Variants in TCF4 observed in about 807,000 individuals in gnomAD.
TCF4 encodes the protein SL3-3 enhancer factor 2.
In TCF4, 3 loss-of-function variants were observed where a neutral mutation model predicts 82.1. The ratio of observed to expected loss-of-function variants is 0.04; its 90% CI spans 0.02 to 0.09. The LOEUF (loss-of-function observed/expected upper bound fraction) is 0.09. TCF4 is among the 10% of genes least tolerant of loss of function. The pLI is 1.00. For missense variants in TCF4, 518 were observed against 852.7 expected (o/e 0.61, Z 4.89); for synonymous variants, 276 against 309.6 (o/e 0.89, Z 1.14).
intron 3 of TCF4, among the ~76,000 whole-genome samples, chr18:55,516,375 G>GT: frequency 6.6e-6 from 1 of 151,964 alleles, no homozygotes; most frequent in South Asian, 2.1e-4. Flanking sequence ...ATACTGTCTG[G>GT]TTTTTTGGGT....
intron 2 of TCF4, among the ~76,000 whole-genome samples, chr18:55,630,405 A>C (rs2097730444): frequency 6.6e-6 from 1 of 152,204 alleles, no homozygotes. Flanking sequence ...TGGGAATTCA[A>C]AAATAACATA....
intron 6 of TCF4, chr18:55,401,548 T>C: frequency 1.0e-6 from 1 of 988,546 alleles, no homozygotes; most frequent in Non-Finnish European, 1.2e-6. Flanking sequence ...CATCCACCTC[T>C]CTTCCACCCT....
In TCF4 at chr18:55,342,646, A is replaced by AT. The variant is rs532383897; in HGVS notation, c.549+7712dup. On this transcript the variant is annotated intron_variant, in intron 8 of 19. Transcript: ENST00000354452. ...CTAAACACTGCTGCCTCCTTAGACA[A>AT]TTTTTTTCTTATCCTTTAACGTCTT... 1.4e-3 allele frequency among the ~76,000 whole-genome samples: 219 copies of AT among 152,162 alleles called. 1 individual carries two copies. The highest frequency in any genetic ancestry group is 4.1e-3 in the African/African-American group (169 of 41,526).
chr18:55,291,769 T>A (rs1022110851), intron 8 of TCF4, among the ~76,000 whole-genome samples: 1 of 152,232 alleles, frequency 6.6e-6, no homozygotes, highest in Admixed American at 6.5e-5. Context: ...TTCACTAATT[T>A]AACTCAGAGC....
intron 10 of TCF4, among the ~76,000 whole-genome samples, chr18:55,270,423 C>A (rs1044533105): frequency 1.3e-5 from 2 of 152,082 alleles, no homozygotes; most frequent in Non-Finnish European, 2.9e-5. Context: ...AAAGACTAAC[C>A]AGTCTCAAAT....
chr18:55,599,708 G>A (rs1226027962), intron 2 of TCF4, among the ~76,000 whole-genome samples: 1 of 152,204 alleles, frequency 6.6e-6, no homozygotes, highest in Non-Finnish European at 1.5e-5. Flanking sequence ...GTGACAGAGT[G>A]AGAGTCTTAT....
In TCF4 at chr18:55,362,339, G is replaced by GAGGAAGGACGGAAGGA. The variant is rs1555942407; in HGVS notation, c.370-11337_370-11336insTCCTTCCGTCCTTCCT. Among the ~76,000 whole-genome samples the GAGGAAGGACGGAAGGA allele has an allele frequency of 3.9e-4, 27 of 68,582 alleles. No homozygotes were observed. In the East Asian group the frequency reaches 0.013, roughly 33 times the overall value. The allele number at this position is 68,582 out of a possible 152,430, so 45.0% of individuals were successfully genotyped here. ...TCCAAAAACAAAAACAAAAAAAAAAGAGGAAGGAAGGAAGGAAGGAAGGAA... is the reference window on the plus strand; with the variant it reads ...TCCAAAAACAAAAACAAAAAAAAAAGAGGAAGGACGGAAGGAAGGAAGGAAGGAAGGAAGGAAGGAA... On this transcript the variant is annotated intron_variant, in intron 6 of 19. Transcript: ENST00000354452.
At chr18:55,579,350 C>T (rs535083367) in intron 3 of TCF4, among the ~76,000 whole-genome samples, 1 of 151,516 alleles carries the variant, frequency 6.6e-6, no homozygotes, top group African/African-American at 2.4e-5. Context: ...ACAAAAATAA[C>T]CTTTTAAAAA....
Position 55,323,041 on chromosome 18 carries a change from A to G in TCF4, c.549+27318T>C, listed in dbSNP as rs946351208. Reference sequence around the variant, plus strand: ...CACAACTGAACAATAGAATCCTTATAGATGGCAAGGTTTCTCACAAGCAAG... The same window carrying G: ...CACAACTGAACAATAGAATCCTTATGGATGGCAAGGTTTCTCACAAGCAAG... On this transcript the variant is annotated intron_variant, in intron 8 of 19. Coordinates refer to ENST00000354452, the MANE Select transcript of TCF4 (RefSeq NM_001083962.2). Among the ~76,000 whole-genome samples, 71 of 152,354 alleles carry G rather than the reference A, an allele frequency of 4.7e-4. 1 individual carries two copies. Among genetic ancestry groups the G allele is most frequent in the Middle Eastern group, 3.4e-3 (1 of 294 alleles).
intron 3 of TCF4, among the ~76,000 whole-genome samples, chr18:55,507,945 A>T (rs1388690906): frequency 6.6e-6 from 1 of 152,136 alleles, no homozygotes; most frequent in Non-Finnish European, 1.5e-5. Flanking sequence ...TGTAACCGGG[A>T]AATGACTACA....
chr18:55,443,119 C>T (rs1256620376), intron 5 of TCF4, among the ~76,000 whole-genome samples: 2 of 152,156 alleles, frequency 1.3e-5, no homozygotes, highest in Non-Finnish European at 2.9e-5. Context: ...AACCTTGGTT[C>T]GGGTCAACCT....
rs570109041 is a variant in TCF4, at chr18:55,223,293, T to C, written c.*4742A>G. On this transcript the variant is annotated 3_prime_UTR_variant, in exon 20 of 20. Transcript: ENST00000354452. The stretch of plus-strand genomic sequence containing the variant: ...TTCCTTGATCAATCATGTGCTTTGC[T>C]TTTCAATTTGTTTTTGTGATTTTTT... 116 of 152,500 alleles carry C rather than the reference T, an allele frequency of 7.6e-4. No individual in the cohort carries two copies. Among genetic ancestry groups the C allele is most frequent in the African/African-American group, 2.7e-3 (114 of 41,582 alleles). 9.4% of individuals were successfully genotyped at this position (152,500 alleles called of 1,614,324 possible).
intron 6 of TCF4, chr18:55,401,895 C>T (rs1430945937): frequency 1.2e-6 from 1 of 851,674 alleles, no homozygotes; most frequent in African/African-American, 1.8e-5. Flanking sequence ...AGGATGTTGT[C>T]AACTTTCTTC....
In TCF4 at chr18:55,223,925, CATA is replaced by C. The variant is rs1599259249; in HGVS notation, c.*4107_*4109del. 1.3e-5 allele frequency: 2 copies of C among 152,258 alleles called. No individual in the cohort carries two copies. Among genetic ancestry groups the C allele is most frequent in the East Asian group, 1.9e-4 (1 of 5,180 alleles). 9.4% of individuals were successfully genotyped at this position (152,258 alleles called of 1,614,324 possible). ...TAAAATAAAGTAACAAACTTTTACT[CATA>C]ATGATTCCAAAAATCTACAAAGAAG... On this transcript the variant is annotated 3_prime_UTR_variant, in exon 20 of 20. Transcript: ENST00000354452.
At position 55,402,235 on chromosome 18, in the gene TCF4, T is replaced by A. The variant is rs538015838; in HGVS notation, c.369+1219A>T. The A allele has an allele frequency of 6.7e-4, 660 of 984,706 alleles. 1 individual carries two copies. Among genetic ancestry groups the A allele is most frequent in the Non-Finnish European group, 7.7e-4 (642 of 829,810 alleles). The allele number at this position is 984,706 out of a possible 1,614,324, so 61.0% of individuals were successfully genotyped here. A position where few individuals can be genotyped will look rare whatever the true frequency, so the allele number is the denominator to read the frequency against. ...TGAATTGGTGGCTGGGCCAAGGGAG[T>A]AAACTTTAAAAATGCAAATATATAC... On this transcript the variant is annotated intron_variant, in intron 6 of 19. Coordinates refer to ENST00000354452, the MANE Select transcript of TCF4 (RefSeq NM_001083962.2).
chr18:55,577,279 CAT>C (rs1023667137), intron 3 of TCF4, among the ~76,000 whole-genome samples: 17 of 143,464 alleles, frequency 1.2e-4, no homozygotes, highest in South Asian at 2.2e-4. Flanking sequence ...TGTATATATA[CAT>C]ATATATATAT....
At chr18:55,277,657 T>C (rs891146255) in intron 9 of TCF4, among the ~76,000 whole-genome samples, 3 of 152,048 alleles carry the variant, frequency 2.0e-5, no homozygotes, top group African/African-American at 7.2e-5. Context: ...AACAAATTTG[T>C]TCCCCATATT....
intron 6 of TCF4, chr18:55,383,863 T>G (rs2145929920): frequency 6.6e-6 from 1 of 152,318 alleles, no homozygotes; most frequent in South Asian, 2.1e-4. Flanking sequence ...GACCCAGCAT[T>G]CAGGCTTCAG....
At chr18:55,455,464 C>T (rs915219293) in intron 5 of TCF4, among the ~76,000 whole-genome samples, 1 of 150,838 alleles carries the variant, frequency 6.6e-6, no homozygotes, top group Admixed American at 6.6e-5. Flanking sequence ...ATTACTTGTG[C>T]CACATTATAA....
Sources: gnomAD v4.1 joint callset for allele counts (sites outside exome capture counted in the v4.1 genomes callset) on GRCh38, gnomAD v4.1.1 for gene constraint, MANE v1.5 for transcripts, NCBI Gene and HGNC (gene_info 2026-07-23, HGNC 2026-07-21) for gene names.